ABCG1: variants seen among roughly 807,000 people sequenced by gnomAD.
ABCG1 encodes ATP binding cassette subfamily G member 1, also known as ATP-binding cassette sub-family G member 1.
ABCG1 carries 29 observed loss-of-function variants against 69.2 expected under a neutral mutation model. The ratio of observed to expected loss-of-function variants is 0.42; its 90% CI spans 0.31 to 0.57. The LOEUF (loss-of-function observed/expected upper bound fraction) is 0.57. Ranked by LOEUF, ABCG1 falls within the 20% of genes least tolerant of loss-of-function variation. The probability of loss-of-function intolerance (pLI) is 0.15; values close to 1 mark genes in which losing one functional copy is unlikely to be tolerated. For synonymous variants in ABCG1, 370 were observed against 374.8 expected, an observed-to-expected ratio of 0.99 and a Z score of 0.15; for missense variants, 718 against 898.1, an observed-to-expected ratio of 0.80 and a Z score of 2.56.
intron 2 of ABCG1, among the ~76,000 whole-genome samples, chr21:42,236,298 G>A (rs1158548760): frequency 1.3e-5 from 2 of 152,226 alleles, no homozygotes; most frequent in Admixed American, 6.5e-5. Context: ...TGAACTTTAC[G>A]GAGTGTTTTC....
At chr21:42,270,179 G>A (rs1401682000) in intron 2 of ABCG1, among the ~76,000 whole-genome samples, 1 of 147,188 alleles carries the variant, frequency 6.8e-6, no homozygotes, top group African/African-American at 2.5e-5. Flanking sequence ...AGAATGGTGT[G>A]AACCCGGGAG....
rs532405740 is a variant in ABCG1 at position 42,203,708 on chromosome 21, T to C, written c.48+1985T>C. Among the ~76,000 whole-genome samples, 6 of 152,364 alleles carry C rather than the reference T, an allele frequency of 3.9e-5. No homozygotes were observed. The South Asian group carries it at 1.2e-3, about 32-fold the overall frequency. Reference sequence around the variant, plus strand: ...CTGATTTCTCCTCCTTTATTCTTTGTTTTCAAAATCGTTTCAACTATTCTA... The same window carrying C: ...CTGATTTCTCCTCCTTTATTCTTTGCTTTCAAAATCGTTTCAACTATTCTA... On this transcript the variant is annotated intron_variant, in intron 2 of 15. Coordinates refer to the ABCG1 transcript ENST00000398457.
In ABCG1 at chr21:42,219,283, T is replaced by G; in HGVS notation, c.21T>G (p.Ala7=). ...GGGGCATGGCCTGTCTGATGGCCGC[T>G]TTCTCGGTCGGCACCGCCATGGTGA... MACLMA[A]FSVGTAMNAS... Residue 7 remains alanine, a synonymous_variant, in exon 1 of 15, where the codon GCT becomes GCG. Coordinates refer to ENST00000398449, the MANE Select transcript of ABCG1 (RefSeq NM_016818.3). This position sits in a 1 kb window ranked among gnomAD's most constrained non-coding sequence, Gnocchi z 5.3. 1 of 1,591,588 alleles carries G rather than the reference T, an allele frequency of 6.3e-7. No individual in the cohort carries two copies. Among genetic ancestry groups the G allele is most frequent in the Non-Finnish European group, 8.5e-7 (1 of 1,173,778 alleles).
At chr21:42,294,846 A>G (rs1358833749) in intron 14 of ABCG1, 186 bp downstream of exon 14, 3 of 586,800 alleles carry the variant, frequency 5.1e-6, no homozygotes, top group Non-Finnish European at 9.3e-6. Context: ...CAACACACAC[A>G]CACTAAACAA....
chr21:42,202,485 G>A (rs967048642), intron 2 of ABCG1, among the ~76,000 whole-genome samples: 2 of 152,046 alleles, frequency 1.3e-5, no homozygotes. Context: ...GTTAGAGGAG[G>A]GGTGTGATCT....
intron 2 of ABCG1, among the ~76,000 whole-genome samples, chr21:42,229,127 G>T (rs181137601): frequency 5.9e-5 from 9 of 152,248 alleles, no homozygotes; most frequent in African/African-American, 2.2e-4. Context: ...CCCCAGCCAT[G>T]ATTAGGTTAG....
chr21:42,201,469 C>G, intron 1 of ABCG1: 1 of 653,572 alleles, frequency 1.5e-6, no homozygotes, highest in Non-Finnish European at 2.5e-6. Flanking sequence ...GGGCCACGGA[C>G]TGGTCTGCAG....
intron 2 of ABCG1, among the ~76,000 whole-genome samples, chr21:42,207,730 T>C (rs1410104479): frequency 6.6e-6 from 1 of 152,234 alleles, no homozygotes; most frequent in Non-Finnish European, 1.5e-5. Context: ...TCATTACCAC[T>C]GGATGGGGGT....
intron 2 of ABCG1, among the ~76,000 whole-genome samples, chr21:42,241,506 G>A (rs748865883): frequency 5.9e-5 from 9 of 151,680 alleles, no homozygotes; most frequent in Non-Finnish European, 1.0e-4. Flanking sequence ...TCAGGAGGCC[G>A]AGGCACAAGA....
At chr21:42,229,823 C>T (rs1245592102) in intron 2 of ABCG1, among the ~76,000 whole-genome samples, 1 of 152,198 alleles carries the variant, frequency 6.6e-6, no homozygotes, top group African/African-American at 2.4e-5. Context: ...AGCTGATTCA[C>T]TCAAAGGCAG....
intron 13 of ABCG1, among the ~76,000 whole-genome samples, chr21:42,293,318 TAC>T (rs1569243035): frequency 1.2e-5 from 1 of 82,948 alleles, no homozygotes; most frequent in Admixed American, 1.4e-4. Context: ...CACCACACAG[TAC>T]ACACTACACA....
At chr21:42,260,069 A>T (rs551179806) in intron 2 of ABCG1, 33 of 1,550,434 alleles carry the variant, frequency 2.1e-5, no homozygotes, top group Non-Finnish European at 2.7e-5. Flanking sequence ...TCAGTGGCAA[A>T]GTCTTGTCAG....
Position 42,219,436 on chromosome 21 carries a change from C to A in ABCG1, c.42+132C>A. On this transcript the variant is annotated intron_variant, in intron 1 of 14. Coordinates refer to ENST00000398449, the MANE Select transcript of ABCG1 (RefSeq NM_016818.3). The surrounding 1 kb of genome is among the most constrained non-coding windows in gnomAD (Gnocchi z 5.3). ...TCCTCTGGGCGCTGACCCAGGGCAC[C>A]CTAGAGTGGCGCCCGGCTCCGATCG... 2 of 1,296,396 alleles carry A rather than the reference C, an allele frequency of 1.5e-6. No individual in the cohort carries two copies. Among genetic ancestry groups the A allele is most frequent in the South Asian group, 1.5e-5 (1 of 68,514 alleles). The allele number at this position is 1,296,396 out of a possible 1,614,324, so 80.3% of individuals were successfully genotyped here.
At chr21:42,265,307 G>A (rs538389508) in intron 2 of ABCG1, among the ~76,000 whole-genome samples, 8 of 152,338 alleles carry the variant, frequency 5.3e-5, no homozygotes, top group African/African-American at 1.9e-4. Context: ...AAATAGATAT[G>A]TTGAAGTTCT....
intron 2 of ABCG1, among the ~76,000 whole-genome samples, chr21:42,263,018 C>T (rs528454101): frequency 5.9e-5 from 9 of 152,292 alleles, no homozygotes; most frequent in Middle Eastern, 3.4e-3. Flanking sequence ...CTCCTAGCCC[C>T]GAGCGATGCT....
At chr21:42,257,331 T>C (rs1478424092) in intron 2 of ABCG1, among the ~76,000 whole-genome samples, 1 of 152,124 alleles carries the variant, frequency 6.6e-6, no homozygotes, top group Non-Finnish European at 1.5e-5. Flanking sequence ...TGGGCTGGAG[T>C]CTATGTAGAA....
In ABCG1 at chr21:42,271,202, C is replaced by T. The variant is rs150824834; in HGVS notation, c.404+15C>T. On this transcript the variant is annotated intron_variant, in intron 3 of 14. Transcript: ENST00000398449. ...GCTGGATACAGGTGAGCAGCCCTGC[C>T]CAGGGCGCAAAGTTCTCTCCCGGGT... The T allele has an allele frequency of 3.7e-3, 5,563 of 1,499,314 alleles. 15 individuals are homozygous for T. Among genetic ancestry groups the T allele is most frequent in the Non-Finnish European group, 3.7e-3 (4,183 of 1,123,020 alleles). The allele number at this position is 1,499,314 out of a possible 1,614,324, so 92.9% of individuals were successfully genotyped here.
intron 2 of ABCG1, among the ~76,000 whole-genome samples, chr21:42,231,297 T>C (rs2123550321): frequency 6.6e-6 from 1 of 152,314 alleles, no homozygotes; most frequent in East Asian, 1.9e-4. Context: ...ATCTGGGGCT[T>C]TAGAGCGTTT....
At chr21:42,216,712 C>T (rs76416961), upstream of ABCG1, among the ~76,000 whole-genome samples, 375 of 152,288 alleles carry the variant, frequency 2.5e-3, 2 homozygotes, top group African/African-American at 8.6e-3. Flanking sequence ...CACTGCACTC[C>T]GAACCTTTCT....
Sources: gnomAD v4.1 joint callset for allele counts (sites outside exome capture counted in the v4.1 genomes callset) on GRCh38, gnomAD v4.1.1 for gene constraint, Gnocchi (gnomAD v3.1) non-coding constraint, MANE v1.5 for transcripts, NCBI Gene and HGNC (gene_info 2026-07-23, HGNC 2026-07-21) for gene names.